The following PTPRQ variants were observed in gnomAD, a reference collection of about 807,000 sequenced individuals.
PTPRQ encodes phosphatidylinositol phosphatase PTPRQ.
In PTPRQ, 199 loss-of-function variants were observed where a neutral mutation model predicts 246.0. That is an observed-to-expected ratio of 0.81 (90% confidence interval 0.72 to 0.91). PTPRQ has a LOEUF of 0.91. Among genes scored for constraint, PTPRQ ranks in the 40% least tolerant of loss-of-function variants. PTPRQ has a pLI of 0.00. For missense variants in PTPRQ, 2,624 were observed against 2,528.4 expected (o/e 1.04, Z -0.81); for synonymous variants, 869 against 853.2 (o/e 1.02, Z -0.32).
At position 80,472,263 on chromosome 12, in the gene PTPRQ, G is replaced by C. The variant is rs1175997620; in HGVS notation, c.1186+12G>C. The C allele has an allele frequency of 4.5e-6, 7 of 1,550,392 alleles. No individual in the cohort carries two copies. The South Asian group carries it at 7.2e-5, about 16-fold the overall frequency. On this transcript the variant is annotated intron_variant, in intron 8 of 44. Coordinates refer to ENST00000644991, the MANE Select transcript of PTPRQ (RefSeq NM_001145026.2). ...CACTCCACCAGATGGTAAGAACATA[G>C]GGAATGAGTGAGATATTTTTGGTAT...
intron 30 of PTPRQ, among the ~76,000 whole-genome samples, chr12:80,618,247 A>G (rs11114530): frequency 0.35 from 52,936 of 151,000 alleles, 9,854 homozygotes; most frequent in African/African-American, 0.47. Context: ...TCTACAAAAT[A>G]AAAACAATGT....
intron 25 of PTPRQ, among the ~76,000 whole-genome samples, chr12:80,566,919 A>G (rs1450190743): frequency 6.6e-6 from 1 of 152,236 alleles, no homozygotes; most frequent in Admixed American, 6.5e-5. Context: ...GTTGTGCATG[A>G]GAGGTCTAGC....
chr12:80,536,413 A>G (rs926904251), intron 19 of PTPRQ, among the ~76,000 whole-genome samples: 5 of 152,252 alleles, frequency 3.3e-5, no homozygotes, highest in African/African-American at 7.2e-5. Flanking sequence ...CTTGCAAGCT[A>G]TCTCAGGACT....
intron 6 of PTPRQ, among the ~76,000 whole-genome samples, chr12:80,465,771 T>C (rs1893380050): frequency 6.6e-6 from 1 of 152,070 alleles, no homozygotes; most frequent in Admixed American, 6.6e-5. Flanking sequence ...ATTATCTCAA[T>C]AGATGCAGAA....
intron 25 of PTPRQ, among the ~76,000 whole-genome samples, chr12:80,577,129 C>G (rs1245619339): frequency 6.6e-6 from 1 of 152,156 alleles, no homozygotes; most frequent in Non-Finnish European, 1.5e-5. Flanking sequence ...GCTGTCAAAA[C>G]TAATGAATTT....
Position 80,673,169 on chromosome 12 carries a change from T to C in PTPRQ, c.6603T>C (p.Ser2201=), listed in dbSNP as rs1156610330. ...HDTTPMIVHC[S]AGVGRTGVFI... ...TTCATGTAATTTACCCTTCCTGTAGTGCTGGAGTTGGAAGAACTGGAGTTT... is the reference window on the plus strand; with the variant it reads ...TTCATGTAATTTACCCTTCCTGTAGCGCTGGAGTTGGAAGAACTGGAGTTT... Residue 2201 remains serine (S), a splice_region_variant and synonymous_variant, in exon 43 of 45, where the codon AGT becomes AGC. Transcript: ENST00000644991. 1.3e-6 allele frequency: 2 copies of C among 1,550,416 alleles called. No individual in the cohort carries two copies. Among genetic ancestry groups the C allele is most frequent in the Non-Finnish European group, 1.7e-6 (2 of 1,146,142 alleles).
At position 80,639,253 on chromosome 12, in the gene PTPRQ, A is replaced by AT. The variant is rs1332375101; in HGVS notation, c.5915+4186dup. ...AAAATGCTATTTGCTAAATAAGCTTATTTTTTACTATCTTCTTTCCGCATT... is the reference window on the plus strand; with the variant it reads ...AAAATGCTATTTGCTAAATAAGCTTATTTTTTTACTATCTTCTTTCCGCATT... On this transcript the variant is annotated intron_variant, in intron 35 of 44. Transcript: ENST00000644991. 3.9e-5 allele frequency among the ~76,000 whole-genome samples: 6 copies of AT among 152,180 alleles called. No individual in the cohort carries two copies. The East Asian group carries it at 1.2e-3, about 29-fold the overall frequency.
intron 8 of PTPRQ, among the ~76,000 whole-genome samples, chr12:80,478,278 C>T (rs1467131504): frequency 1.5e-4 from 22 of 148,264 alleles, no homozygotes; most frequent in South Asian, 6.5e-4. Context: ...ACACTGACAC[C>T]TCACATGGCC....
At chr12:80,600,222 T>G (rs1190545277) in intron 26 of PTPRQ, among the ~76,000 whole-genome samples, 1 of 151,794 alleles carries the variant, frequency 6.6e-6, no homozygotes, top group Non-Finnish European at 1.5e-5. Flanking sequence ...GGTGATTATA[T>G]GTGTTGTCAT....
chr12:80,676,144 A>C (rs1257770086), intron 43 of PTPRQ, among the ~76,000 whole-genome samples: 2 of 152,126 alleles, frequency 1.3e-5, no homozygotes, highest in Non-Finnish European at 2.9e-5. Flanking sequence ...CCTTGCCTCC[A>C]GTCCTTACAA....
chr12:80,676,370 C>A lies in PTPRQ; in HGVS notation c.6739-2232C>A, dbSNP rs549144407. On this transcript the variant is annotated intron_variant, in intron 43 of 44. Coordinates refer to ENST00000644991, the MANE Select transcript of PTPRQ (RefSeq NM_001145026.2). ...AAAACAATGCACTGGGCACTGGGTGCGGTGGCTTATGCCTGTAATCCCAGC... is the reference window on the plus strand; with the variant it reads ...AAAACAATGCACTGGGCACTGGGTGAGGTGGCTTATGCCTGTAATCCCAGC... 2.8e-4 allele frequency among the ~76,000 whole-genome samples: 43 copies of A among 152,250 alleles called. No homozygotes were observed. In the South Asian group the frequency reaches 8.3e-3, roughly 29 times the overall value.
Position 80,588,231 on chromosome 12 carries a change from A to T in PTPRQ, c.4388A>T (p.Tyr1463Phe). The T allele has an allele frequency of 6.4e-7, 1 of 1,551,660 alleles. No homozygotes were observed. Among genetic ancestry groups the T allele is most frequent in the Non-Finnish European group, 8.7e-7 (1 of 1,146,942 alleles). ...ACTATCCTTGGCTACTTTCAAAATT[A>T]CAAAATTACCACTCAACTTCGTGCT... ...PDTILGYFQN[Y>F]KITTQLRAQK... Residue 1463 changes from tyrosine (Y) to phenylalanine (F), a missense_variant, in exon 26 of 45, where the codon TAC becomes TTC. Physicochemically the swap from Tyr to Phe is conservative, Grantham distance 22. Coordinates refer to ENST00000644991, the MANE Select transcript of PTPRQ (RefSeq NM_001145026.2).
At chr12:80,606,849 TGAATGCCCTGG>T (rs148255384) in intron 27 of PTPRQ, among the ~76,000 whole-genome samples, 97 of 151,064 alleles carry the variant, frequency 6.4e-4, no homozygotes, top group African/African-American at 2.1e-3. Context: ...GCACGAATGA[TGAATGCCCTGG>T]GAATATGCAT....
chr12:80,463,892 G>A (rs7486640), intron 6 of PTPRQ, among the ~76,000 whole-genome samples: 145,255 of 149,720 alleles, frequency 0.97, 70,611 homozygotes, highest in African/African-American at 0.99. Context: ...AGGAACAACT[G>A]GTACCAGCCG....
intron 25 of PTPRQ, among the ~76,000 whole-genome samples, chr12:80,575,642 C>G (rs761905833): frequency 2.0e-5 from 3 of 151,692 alleles, no homozygotes; most frequent in Non-Finnish European, 4.4e-5. Context: ...GATTTCGAGA[C>G]CAGCCTGGCC....
At chr12:80,607,978 G>C (rs1898390901) in intron 27 of PTPRQ, among the ~76,000 whole-genome samples, 1 of 150,796 alleles carries the variant, frequency 6.6e-6, no homozygotes. Context: ...TATAGAGTTT[G>C]AGGTATGAAG....
chr12:80,455,047 C>T (rs1892928419), intron 3 of PTPRQ, among the ~76,000 whole-genome samples: 1 of 152,118 alleles, frequency 6.6e-6, no homozygotes, highest in South Asian at 2.1e-4. Context: ...GTGGCGAGTG[C>T]CTGTAATCCC....
At chr12:80,451,122 G>C (rs200122920) in intron 3 of PTPRQ, among the ~76,000 whole-genome samples, 1 of 152,158 alleles carries the variant, frequency 6.6e-6, no homozygotes, top group Admixed American at 6.5e-5. Flanking sequence ...TGTATGTGTC[G>C]AGGAATTTAT....
chr12:80,666,052 C>T (rs1239022173), intron 39 of PTPRQ, among the ~76,000 whole-genome samples: 1 of 151,998 alleles, frequency 6.6e-6, no homozygotes, highest in African/African-American at 2.4e-5. Context: ...CCCAGCAATA[C>T]CACTACTGGG....
Sources: allele counts gnomAD v4.1 joint callset (sites outside exome capture counted in the v4.1 genomes callset), GRCh38; gene constraint gnomAD v4.1.1; transcripts MANE v1.5; gene names NCBI Gene and HGNC (gene_info 2026-07-23, HGNC 2026-07-21).